GPR155: variants seen among roughly 807,000 people sequenced by gnomAD.
The protein encoded by GPR155 is G protein-coupled receptor 155.
Under a neutral mutation model 93.1 loss-of-function variants are expected in GPR155, and 65 were observed. That is an observed-to-expected ratio of 0.70 (90% CI 0.57 to 0.86). GPR155 has a LOEUF of 0.86. Among genes scored for constraint, GPR155 ranks in the 40% least tolerant of loss-of-function variants. GPR155 has a pLI of 0.00. For missense variants in GPR155, 838 were observed against 1,034.8 expected (o/e 0.81, Z 2.61); for synonymous variants, 319 against 360.1 (o/e 0.89, Z 1.29).
intron 2 of GPR155, among the ~76,000 whole-genome samples, chr2:174,475,092 G>A (rs1688118752): frequency 1.3e-5 from 2 of 151,072 alleles, no homozygotes; most frequent in Non-Finnish European, 3.0e-5. Context: ...TCAGGAGATC[G>A]AGACCATCCC....
intron 1 of GPR155, 85 bp from the exon 2 acceptor site, chr2:174,482,072 A>G: frequency 2.9e-6 from 2 of 699,178 alleles, no homozygotes; most frequent in Non-Finnish European, 2.4e-6. Context: ...AGATTTGTTT[A>G]CTTATTAAAT....
In GPR155 at chr2:174,436,525, T is replaced by A. The variant is rs1686789757; in HGVS notation, c.2313-109A>T. ...AAGGAAACAAGGAAAGACAGCATGG[T>A]AGTTACAAGCATAGCAGGAAGGAAA... is the stretch of plus-strand genomic sequence containing the variant. On this transcript the variant is annotated intron_variant, in intron 15 of 15. Transcript: ENST00000392552. 2.9e-6 allele frequency: 3 copies of A among 1,042,944 alleles called. No homozygotes were observed. The South Asian group carries it at 4.6e-5, about 16-fold the overall frequency. 64.6% of individuals were successfully genotyped at this position (1,042,944 alleles called of 1,614,324 possible). A position where few individuals can be genotyped will look rare whatever the true frequency, so the allele number is the denominator to read the frequency against.
At chr2:174,476,117 CTT>C (rs1688160345) in intron 2 of GPR155, among the ~76,000 whole-genome samples, 2 of 152,210 alleles carry the variant, frequency 1.3e-5, no homozygotes, top group African/African-American at 4.8e-5. Context: ...ATGTTCTCCT[CTT>C]GATTGCTACT....
chr2:174,455,642 G>A (rs756846720), intron 10 of GPR155, among the ~76,000 whole-genome samples: 6 of 152,168 alleles, frequency 3.9e-5, no homozygotes, highest in Non-Finnish European at 7.3e-5. Context: ...AGGGGGAGGA[G>A]GGGGACCCTG....
chr2:174,468,042 C>G (rs912607815), intron 5 of GPR155, among the ~76,000 whole-genome samples: 1 of 152,124 alleles, frequency 6.6e-6, no homozygotes, highest in African/African-American at 2.4e-5. Flanking sequence ...GATCACATTC[C>G]TCATATTTTA....
chr2:174,453,723 C>G lies in GPR155; in HGVS notation c.1876+14G>C. 1 of 1,368,744 alleles carries G rather than the reference C, an allele frequency of 7.3e-7. No homozygotes were observed. 84.8% of individuals were successfully genotyped at this position (1,368,744 alleles called of 1,614,324 possible). On this transcript the variant is annotated intron_variant, in intron 11 of 15. Coordinates refer to ENST00000392552, the MANE Select transcript of GPR155 (RefSeq NM_152529.7). ...TGTCCCTTAATCCCATCCTCATAGT[C>G]CAGAGGCACTTACTTTTCTCAAACG...
intron 7 of GPR155, among the ~76,000 whole-genome samples, chr2:174,462,076 C>T (rs1574719683): frequency 6.6e-6 from 1 of 152,062 alleles, no homozygotes; most frequent in South Asian, 2.1e-4. Context: ...GCTGGGACCA[C>T]AGCCACATGC....
intron 3 of GPR155, among the ~76,000 whole-genome samples, chr2:174,472,295 A>C (rs1209834830): frequency 6.6e-6 from 1 of 152,184 alleles, no homozygotes; most frequent in Non-Finnish European, 1.5e-5. Context: ...AATCCCAGCT[A>C]CTTGGGAGGC....
Position 174,446,499 on chromosome 2 carries a change from AG to A in GPR155, c.2013+111del. Reference sequence around the variant, plus strand: ...CTCAAGATCCAAATTCAGGTGACCTAGCTACCACACTTCTGGAAAGCAGCAA... The same window carrying A: ...CTCAAGATCCAAATTCAGGTGACCTACTACCACACTTCTGGAAAGCAGCAA... On this transcript the variant is annotated intron_variant, in intron 12 of 15. Coordinates refer to ENST00000392552, the MANE Select transcript of GPR155 (RefSeq NM_152529.7). The A allele has an allele frequency of 5.6e-6, 5 of 899,344 alleles. No individual in the cohort carries two copies. In the South Asian group the frequency reaches 8.3e-5, roughly 15 times the overall value. 55.7% of individuals were successfully genotyped at this position (899,344 alleles called of 1,614,324 possible).
Position 174,453,816 on chromosome 2 carries a change from A to G in GPR155, c.1797T>C (p.Asn599=). ...CTATTGATGGGCAGTGTAATTCACCATTTCCCATGGAGCAGGAGCAGCAAC... is the reference window on the plus strand; with the variant it reads ...CTATTGATGGGCAGTGTAATTCACCGTTTCCCATGGAGCAGGAGCAGCAAC... ...ETSCCSCSMG[N]GELHCPSIEP... Residue 599 remains asparagine (N), a synonymous_variant, in exon 11 of 16, where the codon AAT becomes AAC. Transcript: ENST00000392552. The G allele has an allele frequency of 6.2e-7, 1 of 1,613,296 alleles. No individual in the cohort carries two copies.
At chr2:174,450,662 T>A (rs1467852724) in intron 11 of GPR155, among the ~76,000 whole-genome samples, 1 of 152,192 alleles carries the variant, frequency 6.6e-6, no homozygotes, top group Non-Finnish European at 1.5e-5. Flanking sequence ...ATTCTATATA[T>A]GGGAGCAAAA....
rs1482559609 is a variant in GPR155 at position 174,434,727 on chromosome 2, TC to T, written c.*1388del. 6.6e-6 allele frequency: 1 copy of T among 152,070 alleles called. No homozygotes were observed. Among genetic ancestry groups the T allele is most frequent in the Non-Finnish European group, 1.5e-5 (1 of 68,090 alleles). The allele number at this position is 152,070 out of a possible 1,614,324, so 9.4% of individuals were successfully genotyped here. On this transcript the variant is annotated 3_prime_UTR_variant, in exon 16 of 16. Transcript: ENST00000392552. The stretch of plus-strand genomic sequence containing the variant: ...CTCAAGGGGTACTCCCACCTCAGTC[TC>T]CAAAGTAGCTGGGACTACAGGCATG...
intron 7 of GPR155, among the ~76,000 whole-genome samples, chr2:174,462,061 G>C (rs1687712463): frequency 6.6e-6 from 1 of 151,548 alleles, no homozygotes; most frequent in South Asian, 2.1e-4. Context: ...TCAGCCTCCT[G>C]AGTAGCTGGG....
intron 2 of GPR155, among the ~76,000 whole-genome samples, chr2:174,477,275 A>G (rs1297474414): frequency 6.6e-6 from 1 of 152,156 alleles, no homozygotes. Context: ...GCTAATTAAA[A>G]TATGCATAAT....
chr2:174,478,888 G>A (rs1302262298), intron 2 of GPR155, among the ~76,000 whole-genome samples: 1 of 151,292 alleles, frequency 6.6e-6, no homozygotes, highest in East Asian at 1.9e-4. Flanking sequence ...AGGCAGATGG[G>A]CACAGCAGCA....
rs758008438 is a variant in GPR155 at position 174,446,677 on chromosome 2, C to G, written c.1947G>C (p.Gln649His). The G allele has an allele frequency of 4.3e-6, 7 of 1,613,722 alleles. No homozygotes were observed. The Admixed American group carries it at 1.0e-4, about 23-fold the overall frequency. Reference protein sequence around the residue: ...ILAQEEEQYLQSGDQQLTRHV... With the variant: ...ILAQEEEQYLHSGDQQLTRHV... The stretch of plus-strand genomic sequence containing the variant: ...GTCGGGTCAGTTGCTGGTCTCCACT[C>G]TGTAGATACTGTTCTTCTTCCTGGG... The change falls in exon 12 of 16, where the codon CAG becomes CAC. Residue 649 changes from glutamine to histidine, a missense_variant. By Grantham distance (24) the Gln-to-His change is conservative (BLOSUM62 0). This residue lies in a region of GPR155 where 663 missense variants were observed against 790.1 expected (regional missense o/e 0.84). Transcript: ENST00000392552.
Position 174,435,247 on chromosome 2 carries a change from C to A in GPR155, c.*869G>T, listed in dbSNP as rs1574685930. 2 of 152,114 alleles carry A rather than the reference C, an allele frequency of 1.3e-5. No homozygotes were observed. The highest frequency in any genetic ancestry group is 2.4e-5 in the African/African-American group (1 of 41,438). 9.4% of individuals were successfully genotyped at this position (152,114 alleles called of 1,614,324 possible). On this transcript the variant is annotated 3_prime_UTR_variant, in exon 16 of 16. Transcript: ENST00000392552. Reference sequence around the variant, plus strand: ...CCACATCCATAGATTCAATCAACCGCAGATAAAAAGATGTAGTCAGGCTTA... The same window carrying A: ...CCACATCCATAGATTCAATCAACCGAAGATAAAAAGATGTAGTCAGGCTTA...
intron 9 of GPR155, 21 bp from the exon 10 acceptor site, chr2:174,460,109 T>C (rs746345290): frequency 6.4e-6 from 10 of 1,565,120 alleles, no homozygotes; most frequent in Non-Finnish European, 8.7e-6. Flanking sequence ...GAAAAAAAGA[T>C]ATCAGGCCAC....
chr2:174,449,564 G>A (rs1057470519), intron 11 of GPR155, among the ~76,000 whole-genome samples: 4 of 152,150 alleles, frequency 2.6e-5, no homozygotes, highest in African/African-American at 9.7e-5. Context: ...AATGAAATAG[G>A]CCAGGCACAG....
Sources: gnomAD v4.1 joint callset for allele counts (sites outside exome capture counted in the v4.1 genomes callset) on GRCh38, gnomAD v4.1.1 for gene constraint, gnomAD v4.1.1 regional missense constraint, MANE v1.5 for transcripts, NCBI Gene and HGNC (gene_info 2026-07-23, HGNC 2026-07-21) for gene names.